SULF1: variants seen among roughly 807,000 people sequenced by gnomAD.
SULF1 encodes the protein extracellular sulfatase Sulf-1.
A neutral mutation model predicts 110.5 loss-of-function variants in SULF1; 46 were observed. That is an observed-to-expected ratio of 0.42 (90% CI 0.33 to 0.53). The LOEUF (loss-of-function observed/expected upper bound fraction) is 0.53, where lower values mean the gene tolerates loss of function less well. Among genes scored for constraint, SULF1 ranks in the 20% least tolerant of loss-of-function variants. The pLI, the probability that SULF1 is intolerant of heterozygous loss-of-function variation, is 0.12. For synonymous variants in SULF1, 371 were observed against 387.1 expected, an observed-to-expected ratio of 0.96 and a Z score of 0.49; for missense variants, 941 against 1,094.2, an observed-to-expected ratio of 0.86 and a Z score of 1.98.
intron 2 of SULF1, among the ~76,000 whole-genome samples, chr8:69,498,146 C>T (rs887092552): frequency 6.1e-5 from 9 of 148,392 alleles, no homozygotes; most frequent in South Asian, 2.1e-4. Flanking sequence ...CACACACACA[C>T]ACTCACAAGC....
chr8:69,644,384 G>A (rs1586625093), intron 22 of SULF1, among the ~76,000 whole-genome samples: 2 of 152,344 alleles, frequency 1.3e-5, no homozygotes, highest in South Asian at 4.1e-4. Flanking sequence ...CATTTATATG[G>A]ATGAAAGAGT....
At chr8:69,544,469 A>G (rs1234500178) in intron 3 of SULF1, among the ~76,000 whole-genome samples, 2 of 151,974 alleles carry the variant, frequency 1.3e-5, no homozygotes, top group Non-Finnish European at 2.9e-5. Context: ...GAGTTTCACC[A>G]TGTTGGTCAG....
chr8:69,644,202 C>T (rs1460236535), intron 22 of SULF1, among the ~76,000 whole-genome samples: 2 of 152,156 alleles, frequency 1.3e-5, no homozygotes, highest in East Asian at 1.9e-4. Flanking sequence ...GTGACACAGC[C>T]GTGTGTTCGT....
chr8:69,622,676 C>G (rs1345787181), intron 14 of SULF1, among the ~76,000 whole-genome samples: 1 of 152,148 alleles, frequency 6.6e-6, no homozygotes, highest in Non-Finnish European at 1.5e-5. Context: ...GTAGGAGTGC[C>G]CTCTTCTCTT....
At chr8:69,480,310 C>A (rs1267771643) in intron 1 of SULF1, among the ~76,000 whole-genome samples, 1 of 152,232 alleles carries the variant, frequency 6.6e-6, no homozygotes, top group South Asian at 2.1e-4. Flanking sequence ...GGACAGCATG[C>A]CATTTGCCTG....
At chr8:69,604,125 T>C (rs1053510869) in intron 12 of SULF1, among the ~76,000 whole-genome samples, 1 of 152,146 alleles carries the variant, frequency 6.6e-6, no homozygotes, top group Non-Finnish European at 1.5e-5. Flanking sequence ...ATTTTTAAAA[T>C]ACCAAAAAAG....
chr8:69,523,498 T>C (rs1219038547), intron 3 of SULF1, among the ~76,000 whole-genome samples: 3 of 152,040 alleles, frequency 2.0e-5, no homozygotes, highest in Non-Finnish European at 4.4e-5. Flanking sequence ...TGAGACCATT[T>C]AGGGGATTCT....
intron 3 of SULF1, among the ~76,000 whole-genome samples, chr8:69,554,313 T>A (rs1563525003): frequency 6.6e-6 from 1 of 152,230 alleles, no homozygotes; most frequent in Non-Finnish European, 1.5e-5. Flanking sequence ...TGACAGTAAG[T>A]GTAAATTTGC....
At chr8:69,574,790 C>T (rs1020572802) in intron 5 of SULF1, among the ~76,000 whole-genome samples, 1 of 152,186 alleles carries the variant, frequency 6.6e-6, no homozygotes, top group African/African-American at 2.4e-5. Context: ...GTTAGGATTG[C>T]TCCTAGCCGA....
chr8:69,631,916 T>C (rs1810584179), intron 19 of SULF1, among the ~76,000 whole-genome samples: 1 of 152,264 alleles, frequency 6.6e-6, no homozygotes, highest in Admixed American at 6.5e-5. Flanking sequence ...ACATTTGTAA[T>C]CATAGTTTTT....
intron 5 of SULF1, among the ~76,000 whole-genome samples, chr8:69,570,112 A>C (rs896931369): frequency 1.3e-5 from 2 of 152,194 alleles, no homozygotes; most frequent in African/African-American, 4.8e-5. Context: ...TTAAAGCATT[A>C]GCCTTACTTC....
chr8:69,574,697 A>C (rs773808546), intron 5 of SULF1, among the ~76,000 whole-genome samples: 51 of 152,214 alleles, frequency 3.4e-4, no homozygotes, highest in Non-Finnish European at 6.5e-4. Context: ...AATGTTTTGC[A>C]TGAAGTAGGC....
At chr8:69,517,384 T>TGCTTTCTCA (rs1162314068) in intron 3 of SULF1, among the ~76,000 whole-genome samples, 1 of 152,190 alleles carries the variant, frequency 6.6e-6, no homozygotes, top group Non-Finnish European at 1.5e-5. Context: ...CCATAGCACC[T>TGCTTTCTCA]GCTTTCTCAG....
intron 9 of SULF1, 87 bp from the exon 10 acceptor site, chr8:69,601,567 A>G: frequency 8.5e-7 from 1 of 1,171,564 alleles, no homozygotes; most frequent in Non-Finnish European, 1.2e-6. Flanking sequence ...AACAGGAAAA[A>G]GATTTGGGGG....
chr8:69,598,642 T>G (rs1259774094), intron 8 of SULF1, among the ~76,000 whole-genome samples: 4 of 152,224 alleles, frequency 2.6e-5, no homozygotes, highest in Admixed American at 2.6e-4. Context: ...TTCACCCGCC[T>G]GGGCCTTCCA....
In SULF1 at chr8:69,551,386, C is replaced by A. The variant is rs946317758; in HGVS notation, c.-133-12153C>A. Reference sequence around the variant, plus strand: ...CTCCTTCAGACATGGAAAGAGAGTACGTAGAAAGAGATGTTAGCTGGTCAT... The same window carrying A: ...CTCCTTCAGACATGGAAAGAGAGTAAGTAGAAAGAGATGTTAGCTGGTCAT... On this transcript the variant is annotated intron_variant, in intron 3 of 22. Coordinates refer to ENST00000402687, the MANE Select transcript of SULF1 (RefSeq NM_001128205.2). Among the ~76,000 whole-genome samples the A allele has an allele frequency of 9.9e-5, 15 of 152,234 alleles. No individual in the cohort carries two copies. In the Middle Eastern group the frequency reaches 0.01, roughly 104 times the overall value.
intron 13 of SULF1, among the ~76,000 whole-genome samples, chr8:69,612,947 A>G (rs578023495): frequency 2.0e-5 from 3 of 152,094 alleles, no homozygotes; most frequent in African/African-American, 7.2e-5. Flanking sequence ...TGTCTAGAAG[A>G]GTTTTTCCAA....
Position 69,544,765 on chromosome 8 carries a change from A to C in SULF1, c.-133-18774A>C, listed in dbSNP as rs114972357. On this transcript the variant is annotated intron_variant, in intron 3 of 22. Coordinates refer to ENST00000402687, the MANE Select transcript of SULF1 (RefSeq NM_001128205.2). ...TTTTCTTATGAATAGACATGTGCCAACATTCCTGTGGAGTTGTTTTTAGTA... is the reference window on the plus strand; with the variant it reads ...TTTTCTTATGAATAGACATGTGCCACCATTCCTGTGGAGTTGTTTTTAGTA... Among the ~76,000 whole-genome samples the C allele has an allele frequency of 9.3e-3, 1,418 of 152,328 alleles. 15 individuals carry two copies. The highest frequency in any genetic ancestry group is 0.031 in the African/African-American group (1,294 of 41,576).
chr8:69,472,937 A>G (rs1809146804), intron 1 of SULF1, among the ~76,000 whole-genome samples: 1 of 152,142 alleles, frequency 6.6e-6, no homozygotes, highest in Admixed American at 6.5e-5. Flanking sequence ...TCTGGGCTCA[A>G]GTGATCCTCC....
Sources: gnomAD v4.1 joint callset for allele counts (sites outside exome capture counted in the v4.1 genomes callset) on GRCh38, gnomAD v4.1.1 for gene constraint, MANE v1.5 for transcripts, NCBI Gene and HGNC (gene_info 2026-07-23, HGNC 2026-07-21) for gene names.